The following ZNF157 variants were observed in gnomAD, a reference collection of about 807,000 sequenced individuals.
ZNF157 encodes the protein zinc finger protein 157.
ZNF157 carries 8 observed loss-of-function variants against 9.4 expected under a neutral mutation model. That is an observed-to-expected ratio of 0.85 (90% CI 0.50 to 1.53). The LOEUF is 1.53. Ranked by LOEUF, ZNF157 falls within the 40% of genes most tolerant of loss-of-function variation. The pLI is 0.00. For missense variants in ZNF157, 316 were observed against 385.2 expected, an observed-to-expected ratio of 0.82 and a Z score of 1.50; for synonymous variants, 120 against 130.8, an observed-to-expected ratio of 0.92 and a Z score of 0.56.
chrX:47,395,719 C>G (rs2034204199), intron 1 of ZNF157, among the ~76,000 whole-genome samples: 1 of 111,649 alleles, frequency 9.0e-6, no homozygotes, highest in Admixed American at 9.6e-5. Context: ...AATCCCAGCA[C>G]TTTGGGAGGC....
At position 47,413,426 on chromosome X, in the gene ZNF157, C is replaced by T. The variant is rs371136580; in HGVS notation, c.1353C>T (p.Phe451=). 8.3e-6 allele frequency: 10 copies of T among 1,210,417 alleles called. No homozygotes were observed. In the African/African-American group the frequency reaches 1.2e-4, roughly 15 times the overall value. ...PYECSECGNA[F]YVKVRLIEHQ... ...AATGTAGTGAATGTGGAAATGCCTT[C>T]TATGTGAAAGTACGCCTCATTGAAC... Residue 451 remains phenylalanine, a synonymous_variant, in exon 4 of 4, where the codon TTC becomes TTT. Coordinates refer to ENST00000377073, the MANE Select transcript of ZNF157 (RefSeq NM_003446.4).
intron 1 of ZNF157, among the ~76,000 whole-genome samples, chrX:47,372,510 T>G (rs1405295784): frequency 1.6e-4 from 16 of 102,328 alleles, no homozygotes; most frequent in Non-Finnish European, 3.9e-5. Context: ...TTTTTTTTTT[T>G]TGAGATGGAG....
chrX:47,385,853 C>T (rs1439719912), intron 1 of ZNF157, among the ~76,000 whole-genome samples: 1 of 110,825 alleles, frequency 9.0e-6, no homozygotes, highest in Non-Finnish European at 1.9e-5. Flanking sequence ...CAGGTGTGAG[C>T]CACTGCACCC....
chrX:47,383,386 A>G (rs2055869845), intron 1 of ZNF157, among the ~76,000 whole-genome samples: 1 of 90,281 alleles, frequency 1.1e-5, no homozygotes, highest in African/African-American at 5.1e-5. Flanking sequence ...AAAAAAAAAA[A>G]AAAAAAAAAA....
At chrX:47,377,962 T>C (rs1458000388) in intron 1 of ZNF157, among the ~76,000 whole-genome samples, 1 of 110,921 alleles carries the variant, frequency 9.0e-6, no homozygotes, top group East Asian at 2.8e-4. Flanking sequence ...TTTTGGATAC[T>C]GTAACCTCCC....
intron 1 of ZNF157, among the ~76,000 whole-genome samples, chrX:47,386,211 C>A (rs1471724749): frequency 1.8e-5 from 2 of 111,169 alleles, no homozygotes; most frequent in African/African-American, 6.5e-5. Flanking sequence ...ACAGAGAGAT[C>A]GTATGTGCGC....
At chrX:47,375,962 T>C (rs1377634801) in intron 1 of ZNF157, among the ~76,000 whole-genome samples, 1 of 112,232 alleles carries the variant, frequency 8.9e-6, no homozygotes, top group African/African-American at 3.2e-5. Context: ...CCCAAAGTGC[T>C]GGGATTTACA....
chrX:47,389,689 T>C (rs1157551533), intron 1 of ZNF157, among the ~76,000 whole-genome samples: 2 of 111,075 alleles, frequency 1.8e-5, no homozygotes, highest in Admixed American at 1.9e-4. Flanking sequence ...TCACTTGAGG[T>C]CAGGAGTTTG....
At chrX:47,381,585 T>G (rs2055863708) in intron 1 of ZNF157, among the ~76,000 whole-genome samples, 1 of 112,252 alleles carries the variant, frequency 8.9e-6, no homozygotes, top group Non-Finnish European at 1.9e-5. Context: ...GGAAAACAAT[T>G]GACTTTTATT....
chrX:47,403,055 G>A (rs113579519), intron 1 of ZNF157, among the ~76,000 whole-genome samples: 23,622 of 104,906 alleles, frequency 0.23, 2,702 homozygotes, highest in South Asian at 0.4. Flanking sequence ...GAAATCAGGA[G>A]TTCGAGACCA....
In ZNF157 at chrX:47,392,302, A is replaced by G. The variant is rs765666068; in HGVS notation, c.73-17974A>G. 8.1e-5 allele frequency: 11 copies of G among 135,245 alleles called. No individual in the cohort carries two copies. The East Asian group carries it at 1.2e-3, about 14-fold the overall frequency. 11.1% of individuals were successfully genotyped at this position (135,245 alleles called of 1,213,427 possible). On this transcript the variant is annotated intron_variant, in intron 1 of 3. Coordinates refer to ENST00000377073, the MANE Select transcript of ZNF157 (RefSeq NM_003446.4). The stretch of plus-strand genomic sequence containing the variant: ...AGGCTGTTTATCATCAGCTGCCATG[A>G]CACTATGACAACTGTGATGTTACTC...
intron 1 of ZNF157, among the ~76,000 whole-genome samples, chrX:47,374,204 G>T (rs1008349340): frequency 5.4e-5 from 6 of 110,246 alleles, no homozygotes; most frequent in African/African-American, 2.0e-4. Context: ...CCCAGCTGTT[G>T]TCTACTGCAG....
At chrX:47,409,819 T>G (rs1352895770) in intron 1 of ZNF157, among the ~76,000 whole-genome samples, 1 of 26,796 alleles carries the variant, frequency 3.7e-5, no homozygotes, top group African/African-American at 1.5e-4. Flanking sequence ...AATTTTTGTA[T>G]TTTTAGTAGA....
rs760929302 is a variant in ZNF157, at chrX:47,400,187, G to C, written c.73-10089G>C. Among the ~76,000 whole-genome samples the C allele has an allele frequency of 1.8e-3, 195 of 110,015 alleles. 1 individual carries two copies. Among genetic ancestry groups the C allele is most frequent in the African/African-American group, 6.1e-3 (186 of 30,266 alleles). On this transcript the variant is annotated intron_variant, in intron 1 of 3. Transcript: ENST00000377073. ...AATTTTTATATTTTTAGTAGAGACGGTGTTTCATCATGTTGGTCAGGCTGG... is the reference window on the plus strand; with the variant it reads ...AATTTTTATATTTTTAGTAGAGACGCTGTTTCATCATGTTGGTCAGGCTGG...
intron 2 of ZNF157, 105 bp from the exon 3 acceptor site, chrX:47,410,575 G>A: frequency 1.1e-6 from 1 of 950,938 alleles, no homozygotes; most frequent in Admixed American, 2.9e-5. Context: ...GGTTTAAATG[G>A]GCCCCCTTCC....
rs191089672 is a variant in ZNF157, at chrX:47,394,981, G to A, written c.73-15295G>A. On this transcript the variant is annotated intron_variant, in intron 1 of 3. Coordinates refer to ENST00000377073, the MANE Select transcript of ZNF157 (RefSeq NM_003446.4). ...CTACAGGAGCACACCACCATGTCCA[G>A]CTAATTTTTTGTATTTTTGTTGGTA... Among the ~76,000 whole-genome samples the A allele has an allele frequency of 1.8e-4, 20 of 111,463 alleles. No individual in the cohort carries two copies. In the East Asian group the frequency reaches 5.6e-3, roughly 31 times the overall value.
intron 1 of ZNF157, among the ~76,000 whole-genome samples, chrX:47,393,165 A>AC (rs1388852783): frequency 9.2e-6 from 1 of 108,943 alleles, no homozygotes; most frequent in Non-Finnish European, 1.9e-5. Flanking sequence ...AAAAAAAAAA[A>AC]AATCTCCTGT....
At chrX:47,406,947 C>G (rs147567236) in intron 1 of ZNF157, among the ~76,000 whole-genome samples, 20 of 111,923 alleles carry the variant, frequency 1.8e-4, no homozygotes, top group Admixed American at 2.9e-4. Context: ...GGAAAGCATT[C>G]AGTCTTTTTC....
At position 47,370,755 on chromosome X, in the gene ZNF157, C is replaced by A; in HGVS notation, c.72+15C>A. 1.7e-6 allele frequency: 2 copies of A among 1,157,357 alleles called. No homozygotes were observed. Among genetic ancestry groups the A allele is most frequent in the Non-Finnish European group, 2.3e-6 (2 of 865,412 alleles). Reference sequence around the variant, plus strand: ...GATCTTTTGAGGTAAGGAGGAGGATCCTATTTTTTTCTATATGTTCTTTAT... The same window carrying A: ...GATCTTTTGAGGTAAGGAGGAGGATACTATTTTTTTCTATATGTTCTTTAT... On this transcript the variant is annotated intron_variant, in intron 1 of 3. Coordinates refer to ENST00000377073, the MANE Select transcript of ZNF157 (RefSeq NM_003446.4).
Sources: allele counts gnomAD v4.1 joint callset (sites outside exome capture counted in the v4.1 genomes callset), GRCh38; gene constraint gnomAD v4.1.1; transcripts MANE v1.5; gene names NCBI Gene and HGNC (gene_info 2026-07-23, HGNC 2026-07-21).